Variants in RIMBP2 observed in about 807,000 individuals in gnomAD.
The protein encoded by RIMBP2 is RIMS binding protein 2.
Under a neutral mutation model 118.6 loss-of-function variants are expected in RIMBP2, and 48 were observed. The ratio of observed to expected loss-of-function variants is 0.40; its 90% CI spans 0.32 to 0.51. The LOEUF (loss-of-function observed/expected upper bound fraction) is 0.51. Among genes scored for constraint, RIMBP2 ranks in the 20% least tolerant of loss-of-function variants. The pLI, the probability that RIMBP2 is intolerant of heterozygous loss-of-function variation, is 0.41. For synonymous variants in RIMBP2, 762 were observed against 742.9 expected (o/e 1.03, Z -0.42); for missense variants, 1,551 against 1,768.3 (o/e 0.88, Z 2.20).
At chr12:130,625,179 T>C (rs2061549180) in intron 2 of RIMBP2, among the ~76,000 whole-genome samples, 1 of 152,222 alleles carries the variant, frequency 6.6e-6, no homozygotes, top group Admixed American at 6.5e-5. Context: ...TTCAAATTAT[T>C]CTCTTGCAGC....
intron 9 of RIMBP2, among the ~76,000 whole-genome samples, chr12:130,448,818 G>A (rs1213661721): frequency 6.6e-6 from 1 of 152,258 alleles, no homozygotes; most frequent in Non-Finnish European, 1.5e-5. Flanking sequence ...CTACCCCAGT[G>A]CTTCTGCTAC....
intron 5 of RIMBP2, chr12:130,472,206 G>A (rs1033415778): frequency 4.6e-5 from 7 of 152,232 alleles, no homozygotes; most frequent in Non-Finnish European, 1.0e-4. Context: ...CATTTTCAGT[G>A]ATGGGCACAA....
intron 2 of RIMBP2, among the ~76,000 whole-genome samples, chr12:130,591,163 A>G (rs1364685414): frequency 6.6e-6 from 1 of 152,236 alleles, no homozygotes; most frequent in East Asian, 1.9e-4. Context: ...GGAGGTTAAT[A>G]GGAAGTCAAG....
chr12:130,507,457 C>T (rs1485863034), intron 3 of RIMBP2, among the ~76,000 whole-genome samples: 2 of 152,172 alleles, frequency 1.3e-5, no homozygotes, highest in Admixed American at 6.5e-5. Context: ...AAGTGTTTTC[C>T]CACTGTCTAA....
chr12:130,551,503 T>A (rs532428500), intron 2 of RIMBP2, among the ~76,000 whole-genome samples: 1 of 152,376 alleles, frequency 6.6e-6, no homozygotes, highest in African/African-American at 2.4e-5. Flanking sequence ...TTTTTAAAAA[T>A]ATAGAATGCA....
intron 2 of RIMBP2, among the ~76,000 whole-genome samples, chr12:130,539,647 T>C (rs538366923): frequency 1.1e-4 from 17 of 149,088 alleles, no homozygotes; most frequent in African/African-American, 4.0e-4. Flanking sequence ...GCAAATGCAG[T>C]CGATGAGGTG....
At chr12:130,634,593 G>A (rs2062225027) in intron 1 of RIMBP2, among the ~76,000 whole-genome samples, 1 of 72,056 alleles carries the variant, frequency 1.4e-5, no homozygotes, top group Non-Finnish European at 3.2e-5. Context: ...CTTTAAAGAT[G>A]ACTTTTTTTT....
chr12:130,621,702 G>A lies in RIMBP2; in HGVS notation c.-217+6620C>T, dbSNP rs2061323023. Among the ~76,000 whole-genome samples, 1 of 152,176 alleles carries A rather than the reference G, an allele frequency of 6.6e-6. No individual in the cohort carries two copies. The highest frequency in any genetic ancestry group is 2.4e-5 in the African/African-American group (1 of 41,448). Reference sequence around the variant, plus strand: ...ACATCCCAGGGCCCGAGTTTACCAAGAGACACGAGTGAAATGGATGATACC... The same window carrying A: ...ACATCCCAGGGCCCGAGTTTACCAAAAGACACGAGTGAAATGGATGATACC... On this transcript the variant is annotated intron_variant, in intron 2 of 22. Transcript: ENST00000690449. This position sits in a 1 kb window ranked among gnomAD's most constrained non-coding sequence, Gnocchi z 6.6.
intron 1 of RIMBP2, among the ~76,000 whole-genome samples, chr12:130,647,439 T>C (rs1045728005): frequency 1.8e-5 from 2 of 109,194 alleles, no homozygotes; most frequent in Non-Finnish European, 2.4e-5. Context: ...AGATGTTTGC[T>C]TCCCTATAGA....
Position 130,438,351 on chromosome 12 carries a change from C to CCCCCCCA in RIMBP2, c.1656+13_1656+14insTGGGGGG. ...GCCTAACAAACCCTCCCCACCCACC[C>CCCCCCCA]AACGAAAACTCACCCTCTGCCCTTT... is the stretch of plus-strand genomic sequence containing the variant. On this transcript the variant is annotated intron_variant, in intron 12 of 22. Coordinates refer to ENST00000690449, the MANE Select transcript of RIMBP2 (RefSeq NM_001393629.1). The CCCCCCCA allele has an allele frequency of 1.3e-6, 2 of 1,589,932 alleles. No homozygotes were observed. Among genetic ancestry groups the CCCCCCCA allele is most frequent in the South Asian group, 1.1e-5 (1 of 90,684 alleles).
intron 1 of RIMBP2, among the ~76,000 whole-genome samples, chr12:130,629,410 G>C (rs1015522597): frequency 4.7e-4 from 71 of 152,216 alleles, no homozygotes; most frequent in Non-Finnish European, 1.3e-4. Flanking sequence ...GGGAATACCA[G>C]AACAGGCATG....
At chr12:130,428,597 A>C (rs776790045) in intron 14 of RIMBP2, 5 of 341,220 alleles carry the variant, frequency 1.5e-5, no homozygotes, top group Non-Finnish European at 2.6e-5. Context: ...TGAGCTCTGG[A>C]CAAGATAGAA....
At chr12:130,666,772 AGAGAGGG>A (rs2063931910) in intron 1 of RIMBP2, among the ~76,000 whole-genome samples, 1 of 120,928 alleles carries the variant, frequency 8.3e-6, no homozygotes, top group African/African-American at 3.2e-5. Flanking sequence ...GGAAGGAAGG[AGAGAGGG>A]AAGAAGGGAG....
chr12:130,701,562 G>A (rs543670767), intron 1 of RIMBP2, among the ~76,000 whole-genome samples: 1 of 152,194 alleles, frequency 6.6e-6, no homozygotes, highest in East Asian at 1.9e-4. Flanking sequence ...CTGAACATGG[G>A]GTGAAAAGTA....
intron 1 of RIMBP2, among the ~76,000 whole-genome samples, chr12:130,712,838 C>T (rs551963088): frequency 1.5e-4 from 23 of 152,214 alleles, no homozygotes; most frequent in African/African-American, 4.1e-4. Context: ...TGAGCAGCTA[C>T]GACAGCCACA....
At position 130,450,681 on chromosome 12, in the gene RIMBP2, C is replaced by T. The variant is rs561684653; in HGVS notation, c.505-405G>A. Among the ~76,000 whole-genome samples the T allele has an allele frequency of 6.6e-6, 1 of 151,256 alleles. No homozygotes were observed. Among genetic ancestry groups the T allele is most frequent in the South Asian group, 2.1e-4 (1 of 4,764 alleles). ...CACTCCCCCTAGTGCATTCCCCACA[C>T]AAGCTGGAACAGTCTTTAAGCAGGA... On this transcript the variant is annotated intron_variant, in intron 8 of 22. Coordinates refer to ENST00000690449, the MANE Select transcript of RIMBP2 (RefSeq NM_001393629.1). This position sits in a 1 kb window ranked among gnomAD's most constrained non-coding sequence, Gnocchi z 4.8.
intron 1 of RIMBP2, among the ~76,000 whole-genome samples, chr12:130,666,793 TGGAGGGAGGAAG>T (rs140768626): frequency 0.33 from 19,156 of 57,198 alleles, 1,799 homozygotes; most frequent in East Asian, 0.4. Flanking sequence ...AAGGGAGGGA[TGGAGGGAGGAAG>T]GGAGGGAGGA....
chr12:130,497,552 C>T (rs2049304571), intron 4 of RIMBP2, among the ~76,000 whole-genome samples: 1 of 152,348 alleles, frequency 6.6e-6, no homozygotes, highest in African/African-American at 2.4e-5. Context: ...CTGGCCGTGG[C>T]TGTGAGCGAA....
rs2136650582 is a variant in RIMBP2 at position 130,420,390 on chromosome 12, CT to C, written c.3238+2062del. Among the ~76,000 whole-genome samples, 1 of 152,328 alleles carries C rather than the reference CT, an allele frequency of 6.6e-6. No individual in the cohort carries two copies. The highest frequency in any genetic ancestry group is 2.4e-5 in the African/African-American group (1 of 41,574). On this transcript the variant is annotated intron_variant, in intron 17 of 22. Transcript: ENST00000690449. The surrounding 1 kb of genome is among the most constrained non-coding windows in gnomAD (Gnocchi z 4.3). ...CTCTTTTCTGAGTTATGTTCAGAGG[CT>C]TTTTCCTTGTTAAGGTGTTGACATA... is the stretch of plus-strand genomic sequence containing the variant.
Sources: allele counts gnomAD v4.1 joint callset (sites outside exome capture counted in the v4.1 genomes callset), GRCh38; gene constraint gnomAD v4.1.1; non-coding constraint Gnocchi (gnomAD v3.1); transcripts MANE v1.5; gene names NCBI Gene and HGNC (gene_info 2026-07-23, HGNC 2026-07-21).